PCDH7: variants seen among roughly 807,000 people sequenced by gnomAD.
PCDH7 encodes the protein protocadherin-7.
A neutral mutation model predicts 58.9 loss-of-function variants in PCDH7; 17 were observed. The ratio of observed to expected loss-of-function variants is 0.29; its 90% CI spans 0.20 to 0.43. The LOEUF (loss-of-function observed/expected upper bound fraction) is 0.43, where lower values mean the gene tolerates loss of function less well. Among genes scored for constraint, PCDH7 ranks in the 20% least tolerant of loss-of-function variants. The probability of loss-of-function intolerance (pLI) is 1.00; values close to 1 mark genes in which losing one functional copy is unlikely to be tolerated. For missense variants in PCDH7, 1,274 were observed against 1,441.0 expected (o/e 0.88, Z 1.88); for synonymous variants, 664 against 616.4 (o/e 1.08, Z -1.14).
At chr4:30,876,487 CA>C (rs1217688681) in intron 1 of PCDH7, among the ~76,000 whole-genome samples, 2 of 151,964 alleles carry the variant, frequency 1.3e-5, no homozygotes, top group African/African-American at 4.8e-5. Context: ...GGTAATAGTA[CA>C]GATGCATTCA....
intron 1 of PCDH7, among the ~76,000 whole-genome samples, chr4:30,882,405 G>A (rs544323044): frequency 2.6e-5 from 4 of 152,064 alleles, no homozygotes; most frequent in East Asian, 3.9e-4. Flanking sequence ...GATGACAGAC[G>A]CACAACCATG....
At chr4:31,062,249 T>C (rs554972232) in intron 3 of PCDH7, among the ~76,000 whole-genome samples, 1 of 151,778 alleles carries the variant, frequency 6.6e-6, no homozygotes, top group East Asian at 1.9e-4. Context: ...CCTAGAACAT[T>C]TGGATAAATT....
At chr4:30,740,519 A>G (rs1367162042) in intron 1 of PCDH7, among the ~76,000 whole-genome samples, 1 of 151,968 alleles carries the variant, frequency 6.6e-6, no homozygotes, top group African/African-American at 2.4e-5. Flanking sequence ...TATTTATATC[A>G]TTAGTACAGG....
At chr4:30,890,030 G>A (rs946669574) in intron 1 of PCDH7, among the ~76,000 whole-genome samples, 2 of 152,098 alleles carry the variant, frequency 1.3e-5, no homozygotes, top group Non-Finnish European at 2.9e-5. Context: ...CAGGGATTAT[G>A]GTCAGTTCGG....
At chr4:30,725,257 G>A (rs993860921) in intron 1 of PCDH7, 1 of 989,580 alleles carries the variant, frequency 1.0e-6, no homozygotes, top group Non-Finnish European at 1.2e-6. Flanking sequence ...GTTCTATAAT[G>A]ATATGCAATT....
chr4:30,921,178 T>C (rs1031315418), intron 2 of PCDH7, among the ~76,000 whole-genome samples: 3 of 152,128 alleles, frequency 2.0e-5, no homozygotes, highest in Non-Finnish European at 2.9e-5. Flanking sequence ...GCCTGAGGAA[T>C]AGGTTTGTGT....
intron 1 of PCDH7, among the ~76,000 whole-genome samples, chr4:30,843,020 G>A (rs145506016): frequency 1.3e-3 from 201 of 151,204 alleles, no homozygotes; most frequent in African/African-American, 4.3e-3. Flanking sequence ...AATTACTACC[G>A]GCATATGGTA....
At chr4:31,007,340 G>C (rs748403263) in intron 3 of PCDH7, among the ~76,000 whole-genome samples, 3 of 152,208 alleles carry the variant, frequency 2.0e-5, no homozygotes, top group Non-Finnish European at 2.9e-5. Flanking sequence ...TATTAGACAA[G>C]AGTATTGAAG....
chr4:30,949,047 T>C (rs1362590094), intron 2 of PCDH7, among the ~76,000 whole-genome samples: 1 of 152,186 alleles, frequency 6.6e-6, no homozygotes, highest in Non-Finnish European at 1.5e-5. Flanking sequence ...TGAATAGCCC[T>C]GTCTTTAGAG....
At chr4:30,936,040 A>ATTTTTT in intron 2 of PCDH7, among the ~76,000 whole-genome samples, 1 of 152,228 alleles carries the variant, frequency 6.6e-6, no homozygotes, top group African/African-American at 2.4e-5. Context: ...AGCACTAAAA[A>ATTTTTT]AGAACAACGT....
intron 3 of PCDH7, among the ~76,000 whole-genome samples, chr4:31,123,725 G>A (rs746944858): frequency 3.9e-5 from 6 of 152,102 alleles, no homozygotes; most frequent in Non-Finnish European, 7.4e-5. Context: ...CTTGTCCAGC[G>A]TCCAGGAAGA....
chr4:31,101,116 T>C (rs1430207876), intron 3 of PCDH7, among the ~76,000 whole-genome samples: 1 of 152,174 alleles, frequency 6.6e-6, no homozygotes, highest in African/African-American at 2.4e-5. Flanking sequence ...TTTTCATTTC[T>C]TATTCTCATT....
At chr4:30,909,945 C>G (rs1392862127) in intron 1 of PCDH7, among the ~76,000 whole-genome samples, 2 of 152,130 alleles carry the variant, frequency 1.3e-5, no homozygotes, top group Non-Finnish European at 2.9e-5. Context: ...GCTACAGTAA[C>G]CAAAACCTAG....
At chr4:30,744,083 A>G (rs1453651985) in intron 1 of PCDH7, among the ~76,000 whole-genome samples, 1 of 152,118 alleles carries the variant, frequency 6.6e-6, no homozygotes, top group Non-Finnish European at 1.5e-5. Flanking sequence ...TTCTTTCCTC[A>G]GTGGCATCCT....
At position 30,780,430 on chromosome 4, in the gene PCDH7, C is replaced by A. The variant is rs564786184; in HGVS notation, c.70+55834C>A. On this transcript the variant is annotated intron_variant, in intron 1 of 3. Transcript: ENST00000509759. ...ACTGAGGCAGGAGAATCGCTTGAAC[C>A]CAGAAGACAGAAGTTGCAGTTAGCT... 1.1e-4 allele frequency among the ~76,000 whole-genome samples: 17 copies of A among 151,786 alleles called. 1 individual carries two copies. The South Asian group carries it at 2.9e-3, about 26-fold the overall frequency.
rs756142849 is a variant in PCDH7, at chr4:30,722,727, C to A, written c.1305C>A (p.Asp435Glu). ...ACGGGGTGGCCAACGTGGCCGAGGA[C>A]GTTCTGGTCGACACCCCCATCGCTC... Residue 435 changes from aspartate to glutamate, a missense_variant, in exon 1 of 2, where the codon GAC becomes GAA. Transcript: ENST00000361762. This position sits in a 1 kb window ranked among gnomAD's most constrained non-coding sequence, Gnocchi z 7.6. 1 of 1,613,520 alleles carries A rather than the reference C, an allele frequency of 6.2e-7. No individual in the cohort carries two copies. The highest frequency in any genetic ancestry group is 1.7e-5 in the Admixed American group (1 of 60,026).
chr4:30,918,086 A>G (rs1424249379), intron 1 of PCDH7, among the ~76,000 whole-genome samples: 2 of 152,108 alleles, frequency 1.3e-5, no homozygotes, highest in Non-Finnish European at 1.5e-5. Flanking sequence ...ACAGCAGTTG[A>G]CCCTCCTTTC....
At chr4:30,947,509 A>G (rs1438162106) in intron 2 of PCDH7, among the ~76,000 whole-genome samples, 1 of 152,056 alleles carries the variant, frequency 6.6e-6, no homozygotes. Context: ...AATACATCAA[A>G]TGTATATTTC....
At chr4:31,013,918 C>T (rs7683798) in intron 3 of PCDH7, among the ~76,000 whole-genome samples, 12,939 of 151,958 alleles carry the variant, frequency 0.085, 972 homozygotes, top group African/African-American at 0.2. Context: ...TTTTTTTCTT[C>T]CTGGGGATTT....
Sources: gnomAD v4.1 joint callset for allele counts (sites outside exome capture counted in the v4.1 genomes callset) on GRCh38, gnomAD v4.1.1 for gene constraint, Gnocchi (gnomAD v3.1) non-coding constraint, MANE v1.5 for transcripts, NCBI Gene and HGNC (gene_info 2026-07-23, HGNC 2026-07-21) for gene names.